COL12A1: variants seen among roughly 807,000 people sequenced by gnomAD.
COL12A1 encodes collagen type XII alpha 1 chain.
COL12A1 carries 114 observed loss-of-function variants against 349.7 expected under a neutral mutation model. The observed-to-expected ratio is 0.33, with a 90% CI of 0.28 to 0.38. The LOEUF (loss-of-function observed/expected upper bound fraction) is 0.38, where lower values mean the gene tolerates loss of function less well. Among genes scored for constraint, COL12A1 ranks in the 10% least tolerant of loss-of-function variants. The pLI is 1.00. For synonymous variants in COL12A1, 1,369 were observed against 1,329.0 expected, an observed-to-expected ratio of 1.03 and a Z score of -0.66; for missense variants, 3,284 against 3,756.9, an observed-to-expected ratio of 0.87 and a Z score of 3.29.
chr6:75,086,643 TTAAAGTA>T (rs1247930056), intron 65 of COL12A1, 86 bp from the exon 66 acceptor site: 1 of 663,768 alleles, frequency 1.5e-6, no homozygotes, highest in East Asian at 4.0e-5. Flanking sequence ...TATGTAATGG[TTAAAGTA>T]TATATATATA....
chr6:75,174,352 C>T (rs541568571), intron 13 of COL12A1, among the ~76,000 whole-genome samples: 11 of 152,120 alleles, frequency 7.2e-5, no homozygotes, highest in South Asian at 2.1e-4. Flanking sequence ...GTCAGGAGAT[C>T]GAGATCATCC....
chr6:75,176,694 T>C lies in COL12A1; in HGVS notation c.2437+969A>G, dbSNP rs1768976424. ...CTCAGCCTCAATTCTCTTATCAAGC[T>C]GAGATGATGATAATAATAACATAAA... On this transcript the variant is annotated intron_variant, in intron 12 of 65. Coordinates refer to ENST00000322507, the MANE Select transcript of COL12A1 (RefSeq NM_004370.6). 2.0e-5 allele frequency among the ~76,000 whole-genome samples: 3 copies of C among 152,192 alleles called. No individual in the cohort carries two copies. In the South Asian group the frequency reaches 6.2e-4, roughly 31 times the overall value.
chr6:75,122,415 G>T (rs1765788889), intron 43 of COL12A1, among the ~76,000 whole-genome samples: 1 of 152,110 alleles, frequency 6.6e-6, no homozygotes, highest in Admixed American at 6.6e-5. Context: ...GAGGAGGCTG[G>T]GCATGTGTGG....
intron 2 of COL12A1, among the ~76,000 whole-genome samples, chr6:75,201,054 C>T (rs1216117470): frequency 6.6e-6 from 1 of 152,074 alleles, no homozygotes; most frequent in Non-Finnish European, 1.5e-5. Context: ...TCTAACTGCA[C>T]TTTGCTAACC....
In COL12A1 at chr6:75,151,137, T is replaced by C. The variant is rs1233653646; in HGVS notation, c.4147+4A>G. The C allele has an allele frequency of 3.5e-6, 5 of 1,413,298 alleles. No individual in the cohort carries two copies. The highest frequency in any genetic ancestry group is 3.9e-5 in the Admixed American group (2 of 50,992). The allele number at this position is 1,413,298 out of a possible 1,614,324, so 87.5% of individuals were successfully genotyped here. ...GAGGGAGAGAAACTCTGGGTTAAAC[T>C]TACCTGGACCTTTGACACTGTTACA... On this transcript the variant is annotated splice_donor_region_variant and intron_variant, in intron 21 of 65. Transcript: ENST00000322507.
At chr6:75,180,274 G>T (rs2149460850) in intron 11 of COL12A1, among the ~76,000 whole-genome samples, 1 of 152,332 alleles carries the variant, frequency 6.6e-6, no homozygotes, top group Non-Finnish European at 1.5e-5. Context: ...AGTACTGAAA[G>T]ATTCCTCTCA....
intron 3 of COL12A1, among the ~76,000 whole-genome samples, chr6:75,192,587 T>C (rs1769994350): frequency 6.6e-6 from 1 of 152,132 alleles, no homozygotes; most frequent in African/African-American, 2.4e-5. Flanking sequence ...TAATACTTGT[T>C]TGAGAATTCA....
chr6:75,128,475 G>C, intron 37 of COL12A1, 50 bp from the exon 38 acceptor site: 1 of 1,444,028 alleles, frequency 6.9e-7, no homozygotes, highest in Non-Finnish European at 9.2e-7. Flanking sequence ...AAGACTTCCA[G>C]ATCAAAAGAC....
chr6:75,127,944 A>G (rs1562172858), intron 38 of COL12A1, among the ~76,000 whole-genome samples: 1 of 152,190 alleles, frequency 6.6e-6, no homozygotes, highest in East Asian at 1.9e-4. Flanking sequence ...TCTTACTGAT[A>G]CTATATTGAC....
At chr6:75,187,387 A>C (rs933696224) in intron 8 of COL12A1, among the ~76,000 whole-genome samples, 1 of 152,038 alleles carries the variant, frequency 6.6e-6, no homozygotes, top group Non-Finnish European at 1.5e-5. Context: ...GGAAAGTTCC[A>C]ACAGTGGCAG....
chr6:75,105,820 C>A (rs1239354454), intron 53 of COL12A1, among the ~76,000 whole-genome samples: 2 of 152,102 alleles, frequency 1.3e-5, no homozygotes, highest in African/African-American at 4.8e-5. Context: ...CAGTGCCTTT[C>A]ACTGGAATAC....
At chr6:75,198,790 C>T (rs960676913) in intron 2 of COL12A1, among the ~76,000 whole-genome samples, 79 of 151,968 alleles carry the variant, frequency 5.2e-4, no homozygotes, top group African/African-American at 1.4e-3. Flanking sequence ...ATACATAATG[C>T]GCTATAGATA....
At position 75,161,516 on chromosome 6, in the gene COL12A1, C is replaced by T. The variant is rs559654397; in HGVS notation, c.2983+3991G>A. ...CATTTCATTCCTGCCACGTCTGCTC[C>T]TTGTTCAAAAGAGGCCTCCCACAGC... On this transcript the variant is annotated intron_variant, in intron 14 of 65. Coordinates refer to ENST00000322507, the MANE Select transcript of COL12A1 (RefSeq NM_004370.6). 1.5e-4 allele frequency among the ~76,000 whole-genome samples: 23 copies of T among 152,154 alleles called. No homozygotes were observed. The East Asian group carries it at 4.4e-3, about 29-fold the overall frequency.
At chr6:75,103,167 G>A (rs1290002461) in intron 55 of COL12A1, among the ~76,000 whole-genome samples, 1 of 152,198 alleles carries the variant, frequency 6.6e-6, no homozygotes, top group Non-Finnish European at 1.5e-5. Context: ...AGATGGAAAA[G>A]GCACAACCTT....
At chr6:75,155,009 G>A (rs972242590) in intron 16 of COL12A1, among the ~76,000 whole-genome samples, 1 of 152,110 alleles carries the variant, frequency 6.6e-6, no homozygotes, top group African/African-American at 2.4e-5. Flanking sequence ...TAAATCACAA[G>A]CATTTATATA....
intron 15 of COL12A1, 81 bp from the exon 16 acceptor site, chr6:75,155,935 G>T: frequency 1.4e-6 from 2 of 1,399,560 alleles, no homozygotes; most frequent in South Asian, 2.9e-5. Context: ...CCACAAAAAT[G>T]CATATCCATA....
At chr6:75,188,612 A>T in intron 7 of COL12A1, 77 bp from the exon 8 acceptor site, 2 of 1,481,778 alleles carry the variant, frequency 1.3e-6, no homozygotes, top group Non-Finnish European at 1.8e-6. Context: ...CGTTTTCTCC[A>T]TCTTTCACAA....
intron 21 of COL12A1, 57 bp from the exon 22 acceptor site, chr6:75,148,554 A>C: frequency 6.8e-7 from 1 of 1,460,928 alleles, no homozygotes; most frequent in Non-Finnish European, 9.5e-7. Context: ...AGGTGACAAT[A>C]TTTGAAATGA....
intron 27 of COL12A1, among the ~76,000 whole-genome samples, chr6:75,141,677 A>C (rs895391903): frequency 1.3e-5 from 2 of 152,224 alleles, no homozygotes; most frequent in Non-Finnish European, 2.9e-5. Flanking sequence ...AAAATACCCC[A>C]AAAAATTATA....
Sources: allele counts gnomAD v4.1 joint callset (sites outside exome capture counted in the v4.1 genomes callset), GRCh38; gene constraint gnomAD v4.1.1; transcripts MANE v1.5; gene names NCBI Gene and HGNC (gene_info 2026-07-23, HGNC 2026-07-21).